The following SSMEM1 variants were observed in gnomAD, a reference collection of about 807,000 sequenced individuals.
The protein encoded by SSMEM1 is serine rich single-pass membrane protein 1.
SSMEM1 carries 12 observed loss-of-function variants against 9.9 expected under a neutral mutation model. The ratio of observed to expected loss-of-function variants is 1.21; its 90% CI spans 0.78 to 1.96. The LOEUF (loss-of-function observed/expected upper bound fraction) is 1.96, where lower values mean the gene tolerates loss of function less well. Ranked by LOEUF, SSMEM1 falls within the 30% of genes most tolerant of loss-of-function variation. The probability of loss-of-function intolerance (pLI) is 0.00; values close to 1 mark genes in which losing one functional copy is unlikely to be tolerated. For synonymous variants in SSMEM1, 96 were observed against 98.9 expected (o/e 0.97, Z 0.17); for missense variants, 259 against 292.2 (o/e 0.89, Z 0.83).
chr7:130,212,394 T>A (rs2117059000), intron 1 of SSMEM1, among the ~76,000 whole-genome samples: 1 of 152,292 alleles, frequency 6.6e-6, no homozygotes, highest in East Asian at 1.9e-4. Flanking sequence ...CTTAAAGAAC[T>A]ATCAGTAATG....
Position 130,210,918 on chromosome 7 carries a change from A to G in SSMEM1, c.184-2562A>G, listed in dbSNP as rs1393941934. Among the ~76,000 whole-genome samples the G allele has an allele frequency of 2.0e-5, 3 of 152,220 alleles. No individual in the cohort carries two copies. The East Asian group carries it at 5.8e-4, about 29-fold the overall frequency. ...TAAATACCTTCTCCTGTCTATTACA[A>G]AAGTACACATTATATAGAAAATGTG... On this transcript the variant is annotated intron_variant, in intron 1 of 2. Coordinates refer to ENST00000297819, the MANE Select transcript of SSMEM1 (RefSeq NM_145268.4).
At chr7:130,206,620 T>C (rs984547983), upstream of SSMEM1, among the ~76,000 whole-genome samples, 1 of 152,260 alleles carries the variant, frequency 6.6e-6, no homozygotes, top group Admixed American at 6.5e-5. Flanking sequence ...AATGTTGTTT[T>C]GCTCTAGTTT....
At chr7:130,206,529 T>G (rs1344766547), upstream of SSMEM1, among the ~76,000 whole-genome samples, 1 of 152,240 alleles carries the variant, frequency 6.6e-6, no homozygotes, top group Non-Finnish European at 1.5e-5. Context: ...CACGTGGTAT[T>G]GTATATTAAT....
At chr7:130,211,087 T>C (rs1226385621) in intron 1 of SSMEM1, among the ~76,000 whole-genome samples, 1 of 152,052 alleles carries the variant, frequency 6.6e-6, no homozygotes, top group Non-Finnish European at 1.5e-5. Context: ...TTTCCTTTTC[T>C]ATAACCTAAG....
chr7:130,206,241 G>A (rs2117049571), upstream of SSMEM1, among the ~76,000 whole-genome samples: 1 of 152,268 alleles, frequency 6.6e-6, no homozygotes, highest in Middle Eastern at 3.4e-3. Context: ...TTACCCAGAG[G>A]AGCTCAACCC....
rs777668329 is a variant in SSMEM1 at position 130,216,056 on chromosome 7, C to G, written c.321C>G (p.Asn107Lys). ...AAACAATGAAGAAACCAAAGCAGAACCAACTTACCCCTGTAACCAACTCAG... is the reference window on the plus strand; with the variant it reads ...AAACAATGAAGAAACCAAAGCAGAAGCAACTTACCCCTGTAACCAACTCAG... ...PSQTMKKPKQNQLTPVTNSEV... is the reference protein window; with the variant it reads ...PSQTMKKPKQKQLTPVTNSEV... Residue 107 changes from asparagine to lysine, a missense_variant, in exon 3 of 3, where the codon AAC (asparagine) becomes AAG (lysine). Transcript: ENST00000297819. The G allele has an allele frequency of 7.4e-6, 12 of 1,614,208 alleles. No individual in the cohort carries two copies. The highest frequency in any genetic ancestry group is 1.0e-5 in the Non-Finnish European group (12 of 1,180,038).
At chr7:130,205,583 C>A, upstream of SSMEM1, 1 of 679,892 alleles carries the variant, frequency 1.5e-6, no homozygotes, top group Non-Finnish European at 2.5e-6. Context: ...CACTCAGCTG[C>A]GGGAGAAAGC....
intron 1 of SSMEM1, among the ~76,000 whole-genome samples, chr7:130,212,261 T>C (rs538593813): frequency 6.6e-6 from 1 of 152,318 alleles, no homozygotes; most frequent in East Asian, 1.9e-4. Context: ...CCATTTCTTT[T>C]GGTTGCTGTA....
chr7:130,207,581 G>T (rs1420709488), upstream of SSMEM1, among the ~76,000 whole-genome samples: 1 of 152,148 alleles, frequency 6.6e-6, no homozygotes, highest in Non-Finnish European at 1.5e-5. Flanking sequence ...ACATATAAAA[G>T]AGACTGAATT....
chr7:130,208,162 T>C, intron 1 of SSMEM1, 69 bp downstream of exon 1: 1 of 1,387,540 alleles, frequency 7.2e-7, no homozygotes, highest in South Asian at 1.5e-5. Context: ...ATAAAATACA[T>C]TTACTATACT....
upstream of SSMEM1, among the ~76,000 whole-genome samples, chr7:130,205,751 G>C (rs927245925): frequency 2.6e-5 from 4 of 152,230 alleles, no homozygotes; most frequent in African/African-American, 9.6e-5. Flanking sequence ...CCGTAGGATA[G>C]AGTGGCGTGA....
At chr7:130,205,934 C>G (rs764348212), upstream of SSMEM1, among the ~76,000 whole-genome samples, 8 of 152,128 alleles carry the variant, frequency 5.3e-5, no homozygotes, top group Non-Finnish European at 8.8e-5. Context: ...CCTCAGCCTC[C>G]CAAACGCCTG....
intron 1 of SSMEM1, among the ~76,000 whole-genome samples, chr7:130,209,829 C>T (rs1407215697): frequency 2.6e-5 from 4 of 152,134 alleles, no homozygotes; most frequent in Non-Finnish European, 2.9e-5. Context: ...CCACCCGCCT[C>T]GGCCTCCCAA....
Position 130,210,009 on chromosome 7 carries a change from C to G in SSMEM1, c.183+1916C>G, listed in dbSNP as rs1000915473. ...GTAGGCAAGTAAGTTATCATTATCC[C>G]TCCCCCACTCATTTTTTTATTGATA... On this transcript the variant is annotated intron_variant, in intron 1 of 2. Transcript: ENST00000297819. 5.3e-5 allele frequency among the ~76,000 whole-genome samples: 8 copies of G among 152,086 alleles called. 1 individual carries two copies. Among genetic ancestry groups the G allele is most frequent in the Admixed American group, 3.9e-4 (6 of 15,258 alleles).
rs1179465068 is a variant in SSMEM1 at position 130,213,692 on chromosome 7, CA to C, written c.238+180del. ...TTGAGAACATAGTGAGACCCAGTAC[CA>C]AAAAAAAAAAAAAAAAAAAAAGAAA... On this transcript the variant is annotated intron_variant, in intron 2 of 2. Coordinates refer to ENST00000297819, the MANE Select transcript of SSMEM1 (RefSeq NM_145268.4). Among the ~76,000 whole-genome samples, 251 of 79,812 alleles carry C rather than the reference CA, an allele frequency of 3.1e-3. 9 individuals carry two copies. Among genetic ancestry groups the C allele is most frequent in the African/African-American group, 5.9e-3 (114 of 19,360 alleles). 52.4% of individuals were successfully genotyped at this position (79,812 alleles called of 152,430 possible).
intron 2 of SSMEM1, among the ~76,000 whole-genome samples, chr7:130,214,669 T>C (rs991742943): frequency 6.6e-6 from 1 of 152,192 alleles, no homozygotes; most frequent in African/African-American, 2.4e-5. Context: ...GATAGATGTA[T>C]GTTGGAACTT....
At chr7:130,214,158 G>A (rs1436533823) in intron 2 of SSMEM1, among the ~76,000 whole-genome samples, 1 of 152,160 alleles carries the variant, frequency 6.6e-6, no homozygotes, top group African/African-American at 2.4e-5. Flanking sequence ...AAGGTTGCAC[G>A]TCATCTCAGC....
At chr7:130,215,327 A>G (rs1798684523) in intron 2 of SSMEM1, among the ~76,000 whole-genome samples, 1 of 152,162 alleles carries the variant, frequency 6.6e-6, no homozygotes. Flanking sequence ...AACAAAACAA[A>G]AAAACAGCAT....
chr7:130,216,401 G>C lies in SSMEM1; in HGVS notation c.666G>C (p.Pro222=), dbSNP rs552903592. The C allele has an allele frequency of 6.2e-7, 1 of 1,614,016 alleles. No homozygotes were observed. The highest frequency in any genetic ancestry group is 8.5e-7 in the Non-Finnish European group (1 of 1,180,032). The change falls in exon 3 of 3, where the codon CCG becomes CCC. Residue 222 remains proline (P), a synonymous_variant. Transcript: ENST00000297819. ...HHSRQKPSVT[P]PMKRDSQEES... is the part of the protein sequence containing the mutation. Reference sequence around the variant, plus strand: ...CCCGACAGAAGCCTTCAGTAACACCGCCAATGAAAAGAGACAGTCAAGAGG... The same window carrying C: ...CCCGACAGAAGCCTTCAGTAACACCCCCAATGAAAAGAGACAGTCAAGAGG...
Sources: allele counts gnomAD v4.1 joint callset (sites outside exome capture counted in the v4.1 genomes callset), GRCh38; gene constraint gnomAD v4.1.1; transcripts MANE v1.5; gene names NCBI Gene and HGNC (gene_info 2026-07-23, HGNC 2026-07-21).